Variants in SAP18 observed in about 807,000 individuals in gnomAD.
SAP18 encodes Sin3A associated protein 18.
A neutral mutation model predicts 18.6 loss-of-function variants in SAP18; 4 were observed. That is an observed-to-expected ratio of 0.21 (90% CI 0.11 to 0.49). SAP18 has a LOEUF of 0.49. SAP18 is among the 20% of genes least tolerant of loss of function. The pLI is 0.98. For missense variants in SAP18, 170 were observed against 226.4 expected, an observed-to-expected ratio of 0.75 and a Z score of 1.60; for synonymous variants, 112 against 82.8, an observed-to-expected ratio of 1.35 and a Z score of -1.92.
At chr13:21,145,474 G>T (rs1869618686) in intron 2 of SAP18, among the ~76,000 whole-genome samples, 1 of 151,930 alleles carries the variant, frequency 6.6e-6, no homozygotes, top group African/African-American at 2.4e-5. Flanking sequence ...GTTGAAAAAA[G>T]GTCACCTCTG....
intron 2 of SAP18, among the ~76,000 whole-genome samples, chr13:21,145,158 C>T (rs1025744958): frequency 2.6e-5 from 4 of 151,164 alleles, no homozygotes; most frequent in African/African-American, 9.8e-5. Context: ...CCTCTGCCTC[C>T]CAGGTATAAG....
At chr13:21,142,787 C>T (rs138115422) in intron 2 of SAP18, among the ~76,000 whole-genome samples, 2 of 152,236 alleles carry the variant, frequency 1.3e-5, no homozygotes, top group African/African-American at 4.8e-5. Context: ...CTCTGTTCCC[C>T]AAGCTGGATT....
At chr13:21,148,319 A>T (rs561657334) in exon 4 of SAP18, 1 of 152,270 alleles carries the variant, frequency 6.6e-6, no homozygotes, top group Non-Finnish European at 1.5e-5. Flanking sequence ...GGTGCCTGAC[A>T]AATGAGAAAC....
intron 2 of SAP18, among the ~76,000 whole-genome samples, chr13:21,143,461 A>C (rs1416272919): frequency 2.0e-5 from 3 of 152,186 alleles, no homozygotes; most frequent in African/African-American, 7.2e-5. Flanking sequence ...AGCATCACTC[A>C]AGGGTAAGTG....
At chr13:21,140,845 G>GT in intron 1 of SAP18, 41 bp from the exon 2 acceptor site, 1 of 1,585,734 alleles carries the variant, frequency 6.3e-7, no homozygotes, top group Non-Finnish European at 8.7e-7. Flanking sequence ...TTCGCAGCTG[G>GT]TGTTTTTAAC....
At chr13:21,148,536 G>C (rs566220746) in exon 4 of SAP18, 6 of 152,056 alleles carry the variant, frequency 3.9e-5, no homozygotes, top group Non-Finnish European at 8.8e-5. Flanking sequence ...GTTTTATCTG[G>C]TACATACAAA....
rs370333573 is a variant in SAP18 at position 21,140,567 on chromosome 13, G to C, written c.15G>C (p.Gly5=). Residue 5 remains glycine, a synonymous_variant, in exon 1 of 4, where the codon GGG becomes GGC. Transcript: ENST00000621421. ...ACTTAGTGCTCATGCTCGCTGCAGG[G>C]GTCGGAGGTCAGGGCGAGCGTCTCG... The C allele has an allele frequency of 1.3e-5, 20 of 1,599,856 alleles. No homozygotes were observed. The African/African-American group carries it at 2.6e-4, about 20-fold the overall frequency.
intron 2 of SAP18, among the ~76,000 whole-genome samples, chr13:21,143,042 G>A (rs1869525872): frequency 6.6e-6 from 1 of 152,182 alleles, no homozygotes; most frequent in Admixed American, 6.5e-5. Flanking sequence ...TAGGGTTAAT[G>A]TTGTAGCATC....
At chr13:21,145,336 A>G (rs557313741) in intron 2 of SAP18, among the ~76,000 whole-genome samples, 1 of 152,210 alleles carries the variant, frequency 6.6e-6, no homozygotes, top group Non-Finnish European at 1.5e-5. Context: ...TCACAACCCC[A>G]AGATATCTTA....
At chr13:21,147,814 G>A (rs1565987302) in exon 4 of SAP18, 1 of 153,710 alleles carries the variant, frequency 6.5e-6, no homozygotes, top group East Asian at 1.9e-4. Context: ...ATAAGCTGCG[G>A]CAAGTTGAAG....
intron 2 of SAP18, among the ~76,000 whole-genome samples, chr13:21,142,335 T>C (rs764138981): frequency 4.6e-5 from 7 of 151,182 alleles, no homozygotes; most frequent in Non-Finnish European, 7.4e-5. Flanking sequence ...GTGTTAACCA[T>C]TTATTTTTAT....
intron 2 of SAP18, among the ~76,000 whole-genome samples, chr13:21,145,065 CTTT>C (rs1167195491): frequency 5.9e-4 from 75 of 127,712 alleles, no homozygotes; most frequent in African/African-American, 2.1e-3. Flanking sequence ...TTCTTGACCT[CTTT>C]TTTTTTTTTT....
upstream of SAP18, among the ~76,000 whole-genome samples, chr13:21,140,285 C>T (rs548362143): frequency 6.6e-6 from 1 of 152,314 alleles, no homozygotes; most frequent in African/African-American, 2.4e-5. Flanking sequence ...AGGTTTTCGT[C>T]ATTACGCATG....
chr13:21,144,695 G>A (rs1183339157), intron 2 of SAP18, among the ~76,000 whole-genome samples: 1 of 152,128 alleles, frequency 6.6e-6, no homozygotes, highest in African/African-American at 2.4e-5. Context: ...GCTTCGTCAA[G>A]CTGACACAAG....
intron 2 of SAP18, 116 bp downstream of exon 2, chr13:21,141,111 G>A: frequency 1.4e-6 from 1 of 707,494 alleles, no homozygotes; most frequent in Non-Finnish European, 2.5e-6. Flanking sequence ...TCCACTTGGG[G>A]CCTTCGGACT....
chr13:21,144,293 T>A (rs553425763), intron 2 of SAP18, among the ~76,000 whole-genome samples: 8 of 148,520 alleles, frequency 5.4e-5, no homozygotes, highest in African/African-American at 2.0e-4. Flanking sequence ...TAATCCCAAC[T>A]ACTTGGGAGG....
chr13:21,140,454 T>A (rs1869403376), upstream of SAP18: 1 of 1,373,034 alleles, frequency 7.3e-7, no homozygotes. Flanking sequence ...TCCGGCTCGC[T>A]CACCACGCAC....
upstream of SAP18, chr13:21,140,508 C>T (rs1458326935): frequency 1.3e-6 from 2 of 1,540,822 alleles, no homozygotes; most frequent in Non-Finnish European, 1.8e-6. Context: ...AGCCCCTGGC[C>T]GACTATAAAG....
At chr13:21,146,480 T>A (rs1290071011) in intron 2 of SAP18, 2 of 176,390 alleles carry the variant, frequency 1.1e-5, no homozygotes. Flanking sequence ...ATATTTGGAT[T>A]TATTTGGACT....
Sources: gnomAD v4.1 joint callset for allele counts (sites outside exome capture counted in the v4.1 genomes callset) on GRCh38, gnomAD v4.1.1 for gene constraint, MANE v1.5 for transcripts, NCBI Gene and HGNC (gene_info 2026-07-23, HGNC 2026-07-21) for gene names.